The following LINGO2 variants were observed in gnomAD, a reference collection of about 807,000 sequenced individuals.
LINGO2 encodes the protein leucine rich repeat and Ig domain containing 2.
LINGO2 carries 14 observed loss-of-function variants against 30.6 expected under a neutral mutation model. The observed-to-expected ratio is 0.46, with a 90% CI of 0.30 to 0.72. LINGO2 has a LOEUF of 0.72. Ranked by LOEUF, LINGO2 falls within the 30% of genes least tolerant of loss-of-function variation. The probability of loss-of-function intolerance (pLI) is 0.07; values close to 1 mark genes in which losing one functional copy is unlikely to be tolerated. For missense variants in LINGO2, 729 were observed against 751.7 expected (o/e 0.97, Z 0.35); for synonymous variants, 317 against 288.5 (o/e 1.10, Z -1.00).
At chr9:28,479,999 A>G (rs117374288) in intron 1 of LINGO2, among the ~76,000 whole-genome samples, 8,707 of 144,914 alleles carry the variant, frequency 0.06, 341 homozygotes, top group Middle Eastern at 0.13. Context: ...TTCCTAAGCA[A>G]AATTTCAACC....
intron 5 of LINGO2, among the ~76,000 whole-genome samples, chr9:28,005,521 C>T (rs1485526524): frequency 1.3e-5 from 2 of 152,046 alleles, no homozygotes; most frequent in East Asian, 3.9e-4. Context: ...TATCCTAAGA[C>T]ACTTGGTATT....
Position 28,651,611 on chromosome 9 carries a change from T to C in LINGO2, c.-365+18589A>G, listed in dbSNP as rs150620280. 2.4e-3 allele frequency among the ~76,000 whole-genome samples: 367 copies of C among 152,266 alleles called. 4 individuals are homozygous for C. Among genetic ancestry groups the C allele is most frequent in the Middle Eastern group, 0.017 (5 of 292 alleles). ...GGAGGTCTCTATTTGGCATACATAG[T>C]TGAGGCAGGTGAAAATTTCCATAAT... is the stretch of plus-strand genomic sequence containing the variant. On this transcript the variant is annotated intron_variant, in intron 1 of 5. Coordinates refer to ENST00000379992, the Ensembl canonical transcript of LINGO2.
chr9:29,031,895 A>G, the LINGO2 span, among the ~76,000 whole-genome samples: 37 of 152,276 alleles, frequency 2.4e-4, no homozygotes, highest in Non-Finnish European at 3.1e-4. Context: ...TTTCAATTTC[A>G]TAGGGAAATA....
chr9:27,965,382 A>G (rs1820050241), intron 5 of LINGO2, among the ~76,000 whole-genome samples: 1 of 151,676 alleles, frequency 6.6e-6, no homozygotes, highest in Non-Finnish European at 1.5e-5. Context: ...ACTCTATTTT[A>G]AAAAGCAGAT....
At chr9:28,341,502 AG>A (rs1825763944) in intron 3 of LINGO2, among the ~76,000 whole-genome samples, 1 of 152,136 alleles carries the variant, frequency 6.6e-6, no homozygotes, top group Non-Finnish European at 1.5e-5. Context: ...TACAGTGATG[AG>A]GACTCAACTC....
At chr9:28,219,807 A>T (rs1433006351) in intron 4 of LINGO2, among the ~76,000 whole-genome samples, 1 of 152,170 alleles carries the variant, frequency 6.6e-6, no homozygotes, top group Non-Finnish European at 1.5e-5. Flanking sequence ...TATATTGTGA[A>T]ATGCTACATA....
chr9:28,725,925 G>T, the LINGO2 span, among the ~76,000 whole-genome samples: 7 of 152,054 alleles, frequency 4.6e-5, no homozygotes, highest in African/African-American at 1.4e-4. Flanking sequence ...GGGTTAAAGA[G>T]TTGGATTTTT....
intron 1 of LINGO2, among the ~76,000 whole-genome samples, chr9:28,479,875 G>A (rs10812833): frequency 0.011 from 1,350 of 118,342 alleles, 27 homozygotes; most frequent in East Asian, 0.03. Context: ...GTGTGTGTGT[G>A]TGTGTGTGTA....
chr9:29,132,093 A>C, the LINGO2 span, among the ~76,000 whole-genome samples: 6 of 152,012 alleles, frequency 3.9e-5, no homozygotes, highest in Admixed American at 2.6e-4. Context: ...GAGCATGATG[A>C]GAGTCCCTTG....
chr9:29,090,990 T>C, the LINGO2 span, among the ~76,000 whole-genome samples: 1 of 152,072 alleles, frequency 6.6e-6, no homozygotes, highest in Admixed American at 6.6e-5. Context: ...TTTATATTTC[T>C]CTCCAGATTA....
chr9:28,802,905 T>G, the LINGO2 span, among the ~76,000 whole-genome samples: 1 of 152,018 alleles, frequency 6.6e-6, no homozygotes, highest in Non-Finnish European at 1.5e-5. Context: ...CTTCAGGATA[T>G]TGTCACCTTG....
At chr9:28,649,049 T>G (rs1166561383) in intron 1 of LINGO2, among the ~76,000 whole-genome samples, 1 of 152,132 alleles carries the variant, frequency 6.6e-6, no homozygotes, top group Non-Finnish European at 1.5e-5. Flanking sequence ...GTGTCCTATT[T>G]CAACAGCACA....
chr9:28,166,369 T>C (rs1305890651), intron 4 of LINGO2, among the ~76,000 whole-genome samples: 4 of 152,226 alleles, frequency 2.6e-5, no homozygotes, highest in Non-Finnish European at 5.9e-5. Flanking sequence ...AAGCCTCAGA[T>C]TCCTCAGTGG....
At chr9:28,416,570 C>T (rs1015405348) in intron 2 of LINGO2, among the ~76,000 whole-genome samples, 1 of 152,100 alleles carries the variant, frequency 6.6e-6, no homozygotes, top group Non-Finnish European at 1.5e-5. Context: ...ACAAAGTGTT[C>T]CAAATGAATT....
intron 3 of LINGO2, among the ~76,000 whole-genome samples, chr9:28,341,454 A>C (rs1825762480): frequency 6.6e-6 from 1 of 152,134 alleles, no homozygotes. Flanking sequence ...TTCTAAAACA[A>C]AGCAAAGACA....
chr9:27,975,304 G>C (rs1292109926), intron 5 of LINGO2, among the ~76,000 whole-genome samples: 1 of 151,756 alleles, frequency 6.6e-6, no homozygotes, highest in African/African-American at 2.4e-5. Flanking sequence ...CTTTTTAAAA[G>C]TCCCTACTAT....
chr9:28,842,268 T>C, the LINGO2 span, among the ~76,000 whole-genome samples: 7 of 151,908 alleles, frequency 4.6e-5, no homozygotes, highest in Non-Finnish European at 8.8e-5. Context: ...ATTCCTCATA[T>C]TAACTCTACA....
intron 4 of LINGO2, among the ~76,000 whole-genome samples, chr9:28,101,013 G>T (rs754580711): frequency 5.3e-5 from 8 of 152,012 alleles, no homozygotes; most frequent in Non-Finnish European, 1.2e-4. Flanking sequence ...GTGAGCAACT[G>T]CTCCTTTGAA....
At chr9:28,804,369 G>A in the LINGO2 span, among the ~76,000 whole-genome samples, 291 of 152,162 alleles carry the variant, frequency 1.9e-3, 1 homozygote, top group African/African-American at 6.9e-3. Flanking sequence ...AAGTTTAGAT[G>A]TTAATTAGGT....
Sources: gnomAD v4.1 joint callset for allele counts (sites outside exome capture counted in the v4.1 genomes callset) on GRCh38, gnomAD v4.1.1 for gene constraint, MANE v1.5 for transcripts, NCBI Gene and HGNC (gene_info 2026-07-23, HGNC 2026-07-21) for gene names.